Variants in FGF12 observed in about 807,000 individuals in gnomAD.
FGF12 encodes the protein fibroblast growth factor 12, also known as fibroblast growth factor 12B.
A neutral mutation model predicts 23.6 loss-of-function variants in FGF12; 14 were observed. The ratio of observed to expected loss-of-function variants is 0.59; its 90% CI spans 0.39 to 0.93. The LOEUF (loss-of-function observed/expected upper bound fraction) is 0.93. Ranked by LOEUF, FGF12 falls within the 40% of genes least tolerant of loss-of-function variation. The pLI is 0.00. For missense variants in FGF12, 175 were observed against 217.8 expected, an observed-to-expected ratio of 0.80 and a Z score of 1.24; for synonymous variants, 62 against 77.3, an observed-to-expected ratio of 0.80 and a Z score of 1.04.
intron 2 of FGF12, among the ~76,000 whole-genome samples, chr3:192,566,551 C>T: frequency 6.6e-6 from 1 of 152,148 alleles, no homozygotes; most frequent in East Asian, 1.9e-4. Flanking sequence ...ATTCAAATAA[C>T]TGTATTTTAT....
chr3:192,283,876 C>T (rs1244939821), intron 4 of FGF12, among the ~76,000 whole-genome samples: 1 of 151,984 alleles, frequency 6.6e-6, no homozygotes, highest in Non-Finnish European at 1.5e-5. Context: ...AAACAGAGCC[C>T]AGGTTCTCTC....
At chr3:192,639,901 A>G (rs1266662143) in intron 2 of FGF12, among the ~76,000 whole-genome samples, 1 of 152,200 alleles carries the variant, frequency 6.6e-6, no homozygotes, top group African/African-American at 2.4e-5. Flanking sequence ...TTAGAAAAGA[A>G]AAAGATCCTG....
rs773570110 is a variant in FGF12 at position 192,512,835 on chromosome 3, A to AATATATATATATATATATATATAT, written c.14-152321_14-152298dup. 7.3e-4 allele frequency among the ~76,000 whole-genome samples: 56 copies of AATATATATATATATATATATATAT among 76,724 alleles called. 4 individuals carry two copies. The highest frequency in any genetic ancestry group is 3.1e-3 in the African/African-American group (49 of 15,650). 50.3% of individuals were successfully genotyped at this position (76,724 alleles called of 152,430 possible). ...GTTAAACCTAGAGTATACTCAAATA[A>AATATATATATATATATATATATAT]ATATATATATATATATATATATATA... On this transcript the variant is annotated intron_variant, in intron 2 of 5. Transcript: ENST00000445105.
intron 2 of FGF12, among the ~76,000 whole-genome samples, chr3:192,527,521 T>C (rs564388140): frequency 1.1e-4 from 17 of 152,188 alleles, no homozygotes; most frequent in Middle Eastern, 6.3e-3. Flanking sequence ...TTCTATGGTC[T>C]TATGCAAGTG....
At chr3:192,163,683 T>C (rs1428489668) in intron 5 of FGF12, among the ~76,000 whole-genome samples, 1 of 152,116 alleles carries the variant, frequency 6.6e-6, no homozygotes, top group Non-Finnish European at 1.5e-5. Context: ...TCTGTTAGCT[T>C]CTAGGAACAC....
At chr3:192,301,477 A>G (rs1715346472) in intron 4 of FGF12, among the ~76,000 whole-genome samples, 1 of 152,202 alleles carries the variant, frequency 6.6e-6, no homozygotes, top group Non-Finnish European at 1.5e-5. Context: ...GTATAGAAAC[A>G]CCACAAATGG....
At chr3:192,303,216 T>A (rs1264270944) in intron 4 of FGF12, among the ~76,000 whole-genome samples, 3 of 152,182 alleles carry the variant, frequency 2.0e-5, no homozygotes, top group East Asian at 3.9e-4. Flanking sequence ...ATTACACAAA[T>A]TTAAGTATGG....
intron 2 of FGF12, among the ~76,000 whole-genome samples, chr3:192,440,682 T>C (rs1453425013): frequency 2.6e-5 from 4 of 152,196 alleles, no homozygotes; most frequent in Non-Finnish European, 4.4e-5. Context: ...TTTTCACACA[T>C]CTGCCACATT....
At chr3:192,337,869 A>C (rs1436859552) in intron 3 of FGF12, among the ~76,000 whole-genome samples, 1 of 152,222 alleles carries the variant, frequency 6.6e-6, no homozygotes, top group Non-Finnish European at 1.5e-5. Context: ...TTTTTAGTTT[A>C]TATTCAGCAG....
intron 2 of FGF12, among the ~76,000 whole-genome samples, chr3:192,667,607 TAAAAAAAAAAAAAA>T (rs59867848): frequency 1.5e-3 from 114 of 76,186 alleles, no homozygotes; most frequent in African/African-American, 5.4e-3. Context: ...CGAGACTCCG[TAAAAAAAAAAAAAA>T]AAAAAAAAAA....
chr3:192,188,919 A>G (rs571685846), intron 4 of FGF12, among the ~76,000 whole-genome samples: 2 of 152,358 alleles, frequency 1.3e-5, no homozygotes, highest in African/African-American at 4.8e-5. Context: ...TAGAAATGTA[A>G]TCTCTAATTT....
rs570735114 is a variant in FGF12, at chr3:192,283,634, C to T, written c.228+51727G>A. 2.0e-4 allele frequency among the ~76,000 whole-genome samples: 30 copies of T among 152,090 alleles called. No individual in the cohort carries two copies. In the South Asian group the frequency reaches 3.9e-3, roughly 20 times the overall value. The stretch of plus-strand genomic sequence containing the variant: ...GGGTAAATTGTCACCCCTTTATTTG[C>T]CACAACAGAGAAGCCGATTTTCAGT... On this transcript the variant is annotated intron_variant, in intron 4 of 5. Transcript: ENST00000445105.
rs59547365 is a variant in FGF12, at chr3:192,561,523, C to T, written c.13+165658G>A. ...GACTACAGGCACCCGCCACCACGCC[C>T]AGCTAATTTTTTATATTTTTAGTAG... On this transcript the variant is annotated intron_variant, in intron 2 of 5. Coordinates refer to ENST00000445105, the MANE Select transcript of FGF12 (RefSeq NM_004113.6). Among the ~76,000 whole-genome samples, 1,041 of 152,230 alleles carry T rather than the reference C, an allele frequency of 6.8e-3. 15 individuals are homozygous for T. The highest frequency in any genetic ancestry group is 0.024 in the African/African-American group (995 of 41,546).
chr3:192,246,910 A>C (rs1234700416), intron 4 of FGF12, among the ~76,000 whole-genome samples: 1 of 131,780 alleles, frequency 7.6e-6, no homozygotes, highest in Non-Finnish European at 1.6e-5. Flanking sequence ...AGAAGAAAGA[A>C]AGAGAAAAAG....
intron 4 of FGF12, among the ~76,000 whole-genome samples, chr3:192,211,389 A>G (rs752817000): frequency 5.3e-5 from 8 of 152,082 alleles, no homozygotes; most frequent in South Asian, 2.1e-4. Flanking sequence ...GAAAAAATCA[A>G]TGGCGGTTTA....
chr3:192,229,775 T>C (rs1718925654), intron 4 of FGF12, among the ~76,000 whole-genome samples: 1 of 152,092 alleles, frequency 6.6e-6, no homozygotes, highest in African/African-American at 2.4e-5. Flanking sequence ...TGGAACATTA[T>C]GTAAATGAAA....
intron 4 of FGF12, among the ~76,000 whole-genome samples, chr3:192,295,493 T>C (rs1338946588): frequency 1.3e-5 from 2 of 152,344 alleles, no homozygotes; most frequent in South Asian, 2.1e-4. Flanking sequence ...TAATGTGTTA[T>C]ATTTAAGAAG....
intron 2 of FGF12, among the ~76,000 whole-genome samples, chr3:192,637,342 T>C (rs570171523): frequency 6.6e-6 from 1 of 152,322 alleles, no homozygotes; most frequent in East Asian, 1.9e-4. Context: ...ATTATGACCA[T>C]AAGCTCTAGG....
intron 4 of FGF12, among the ~76,000 whole-genome samples, chr3:192,273,643 A>G (rs1713590886): frequency 1.3e-5 from 2 of 152,218 alleles, no homozygotes; most frequent in Non-Finnish European, 1.5e-5. Context: ...GGCTTTGTGC[A>G]TGGTACACCC....
Sources: allele counts gnomAD v4.1 joint callset (sites outside exome capture counted in the v4.1 genomes callset), GRCh38; gene constraint gnomAD v4.1.1; transcripts MANE v1.5; gene names NCBI Gene and HGNC (gene_info 2026-07-23, HGNC 2026-07-21).